SLC24A2: variants seen among roughly 807,000 people sequenced by gnomAD.
SLC24A2 encodes the protein solute carrier family 24 member 2.
Under a neutral mutation model 62.0 loss-of-function variants are expected in SLC24A2, and 36 were observed. The ratio of observed to expected loss-of-function variants is 0.58; its 90% CI spans 0.44 to 0.77. The LOEUF (loss-of-function observed/expected upper bound fraction) is 0.77, where lower values mean the gene tolerates loss of function less well. Ranked by LOEUF, SLC24A2 falls within the 30% of genes least tolerant of loss-of-function variation. The pLI is 0.00. For missense variants in SLC24A2, 846 were observed against 817.9 expected, an observed-to-expected ratio of 1.03 and a Z score of -0.42; for synonymous variants, 358 against 294.0, an observed-to-expected ratio of 1.22 and a Z score of -2.23.
At chr9:19,869,577 A>G in the SLC24A2 span, among the ~76,000 whole-genome samples, 1 of 152,066 alleles carries the variant, frequency 6.6e-6, no homozygotes, top group Non-Finnish European at 1.5e-5. Flanking sequence ...TTCAAAGTTA[A>G]TTTTTTAGTG....
the SLC24A2 span, among the ~76,000 whole-genome samples, chr9:20,049,838 G>A: frequency 6.6e-6 from 1 of 152,094 alleles, no homozygotes; most frequent in African/African-American, 2.4e-5. Context: ...CACTGCATCT[G>A]TTACAGAGGA....
intron 2 of SLC24A2, among the ~76,000 whole-genome samples, chr9:19,654,472 T>C (rs574665910): frequency 6.6e-6 from 1 of 152,334 alleles, no homozygotes; most frequent in East Asian, 1.9e-4. Flanking sequence ...ACCACTTCTC[T>C]GCCCATTCGA....
intron 2 of SLC24A2, among the ~76,000 whole-genome samples, chr9:19,752,912 A>G (rs998538781): frequency 2.0e-5 from 3 of 152,166 alleles, no homozygotes; most frequent in Admixed American, 2.0e-4. Context: ...CTGCAATACT[A>G]GGCTCCTACT....
rs760967672 is a variant in SLC24A2, at chr9:19,508,468, T to G, written c.*7685A>C. ...CAGTTCTGGTGGATTTCTAGACTAT[T>G]AAGTGCTTTTTAGTAATTACTTTTA... is the stretch of plus-strand genomic sequence containing the variant. On this transcript the variant is annotated 3_prime_UTR_variant, in exon 11 of 11. Coordinates refer to ENST00000341998, the MANE Select transcript of SLC24A2 (RefSeq NM_020344.4). 7.2e-5 allele frequency: 11 copies of G among 152,166 alleles called. No individual in the cohort carries two copies. The highest frequency in any genetic ancestry group is 1.4e-4 in the African/African-American group (6 of 41,446). 9.4% of individuals were successfully genotyped at this position (152,166 alleles called of 1,614,324 possible). A position where few individuals can be genotyped will look rare whatever the true frequency, so the allele number is the denominator to read the frequency against.
chr9:19,953,424 G>T, the SLC24A2 span, among the ~76,000 whole-genome samples: 3 of 152,028 alleles, frequency 2.0e-5, no homozygotes, highest in South Asian at 4.2e-4. Context: ...CTGTGCTTAA[G>T]GATATTATTA....
At position 19,509,484 on chromosome 9, in the gene SLC24A2, G is replaced by A. The variant is rs1001879333; in HGVS notation, c.*6669C>T. Reference sequence around the variant, plus strand: ...CTATATTCAGAAGCCCTGAATATATGTATTATTGGTATTTTATGGCTTTAA... The same window carrying A: ...CTATATTCAGAAGCCCTGAATATATATATTATTGGTATTTTATGGCTTTAA... On this transcript the variant is annotated 3_prime_UTR_variant, in exon 11 of 11. Transcript: ENST00000341998. The A allele has an allele frequency of 6.6e-6, 1 of 152,086 alleles. No homozygotes were observed. Among genetic ancestry groups the A allele is most frequent in the Non-Finnish European group, 1.5e-5 (1 of 67,996 alleles). 9.4% of individuals were successfully genotyped at this position (152,086 alleles called of 1,614,324 possible). A position where few individuals can be genotyped will look rare whatever the true frequency, so the allele number is the denominator to read the frequency against.
chr9:20,166,340 A>G, the SLC24A2 span, among the ~76,000 whole-genome samples: 19 of 152,024 alleles, frequency 1.2e-4, no homozygotes, highest in African/African-American at 4.1e-4. Context: ...TGCAATGGCA[A>G]AACATTGGAA....
the SLC24A2 span, among the ~76,000 whole-genome samples, chr9:20,259,573 T>C: frequency 2.0e-5 from 3 of 152,138 alleles, no homozygotes; most frequent in Admixed American, 1.3e-4. Flanking sequence ...ATATGCCTAC[T>C]GTTTGGGACA....
At chr9:19,907,415 A>G in the SLC24A2 span, among the ~76,000 whole-genome samples, 1 of 152,208 alleles carries the variant, frequency 6.6e-6, no homozygotes, top group South Asian at 2.1e-4. Context: ...GAAAACTGGC[A>G]CAAGACAGGG....
chr9:20,070,156 T>C, the SLC24A2 span, among the ~76,000 whole-genome samples: 1 of 152,188 alleles, frequency 6.6e-6, no homozygotes, highest in Admixed American at 6.5e-5. Flanking sequence ...AACTTCTTAG[T>C]CTCCGAGATT....
At chr9:19,769,277 C>T (rs191409910) in intron 2 of SLC24A2, among the ~76,000 whole-genome samples, 2 of 152,298 alleles carry the variant, frequency 1.3e-5, no homozygotes, top group Admixed American at 6.5e-5. Flanking sequence ...TTAGCTCTAC[C>T]TTCAAGATAC....
chr9:20,241,094 C>T, the SLC24A2 span, among the ~76,000 whole-genome samples: 2 of 152,212 alleles, frequency 1.3e-5, no homozygotes, highest in Non-Finnish European at 2.9e-5. Flanking sequence ...TGAAATAATA[C>T]AAGGTAGGTA....
the SLC24A2 span, among the ~76,000 whole-genome samples, chr9:19,977,829 C>T: frequency 6.6e-6 from 1 of 152,176 alleles, no homozygotes; most frequent in Non-Finnish European, 1.5e-5. Context: ...AAGGAGAAAT[C>T]TAGGGCAGGT....
the SLC24A2 span, among the ~76,000 whole-genome samples, chr9:20,236,411 G>A: frequency 6.6e-6 from 1 of 152,178 alleles, no homozygotes; most frequent in Admixed American, 6.5e-5. Context: ...GAATTGTTGT[G>A]TGAGTGTTGG....
At chr9:19,589,523 C>T (rs1836487748) in intron 5 of SLC24A2, among the ~76,000 whole-genome samples, 1 of 152,020 alleles carries the variant, frequency 6.6e-6, no homozygotes. Context: ...AAAATTAATC[C>T]ATGATTTAAG....
chr9:20,171,297 A>G, the SLC24A2 span, among the ~76,000 whole-genome samples: 1 of 123,016 alleles, frequency 8.1e-6, no homozygotes, highest in African/African-American at 2.8e-5. Flanking sequence ...ACCTATAAAA[A>G]ATACAATAAA....
At chr9:19,992,218 G>C in the SLC24A2 span, among the ~76,000 whole-genome samples, 2 of 152,204 alleles carry the variant, frequency 1.3e-5, no homozygotes, top group Non-Finnish European at 2.9e-5. Context: ...TATACCGGGG[G>C]GATGTCCAAT....
the SLC24A2 span, among the ~76,000 whole-genome samples, chr9:20,106,851 C>A: frequency 6.6e-6 from 1 of 151,930 alleles, no homozygotes; most frequent in African/African-American, 2.4e-5. Flanking sequence ...CTGGCCAGGG[C>A]AATTAGGCAG....
the SLC24A2 span, among the ~76,000 whole-genome samples, chr9:20,026,693 T>A: frequency 6.6e-6 from 1 of 152,242 alleles, no homozygotes; most frequent in African/African-American, 2.4e-5. Flanking sequence ...ATGAAAGACT[T>A]AAATGTAAGA....
Sources: allele counts gnomAD v4.1 joint callset (sites outside exome capture counted in the v4.1 genomes callset), GRCh38; gene constraint gnomAD v4.1.1; transcripts MANE v1.5; gene names NCBI Gene and HGNC (gene_info 2026-07-23, HGNC 2026-07-21).